The following KHDRBS2 variants were observed in gnomAD, a reference collection of about 807,000 sequenced individuals.
KHDRBS2 encodes KH domain-containing, RNA-binding, signal transduction-associated protein 2.
A neutral mutation model predicts 44.3 loss-of-function variants in KHDRBS2; 26 were observed. That is an observed-to-expected ratio of 0.59 (90% CI 0.43 to 0.81). The LOEUF is 0.81. Ranked by LOEUF, KHDRBS2 falls within the 40% of genes least tolerant of loss-of-function variation. KHDRBS2 has a pLI of 0.00. For synonymous variants in KHDRBS2, 194 were observed against 151.1 expected, an observed-to-expected ratio of 1.28 and a Z score of -2.08; for missense variants, 476 against 433.1, an observed-to-expected ratio of 1.10 and a Z score of -0.88.
At chr6:62,279,511 C>T (rs1479759347) in intron 1 of KHDRBS2, among the ~76,000 whole-genome samples, 2 of 152,078 alleles carry the variant, frequency 1.3e-5, no homozygotes, top group Non-Finnish European at 1.5e-5. Context: ...AATTCAAAGA[C>T]AGAAGTCATA....
chr6:62,120,546 G>C (rs1347808413), intron 2 of KHDRBS2, among the ~76,000 whole-genome samples: 1 of 152,174 alleles, frequency 6.6e-6, no homozygotes. Flanking sequence ...GGTGGGCATA[G>C]CTACCGTAAT....
intron 6 of KHDRBS2, among the ~76,000 whole-genome samples, chr6:61,888,547 T>C (rs1801311903): frequency 6.7e-6 from 1 of 148,216 alleles, no homozygotes; most frequent in African/African-American, 2.5e-5. Context: ...AGATTCCTTA[T>C]AGTTTTCTAA....
chr6:61,602,655 A>G, the KHDRBS2 span, among the ~76,000 whole-genome samples: 2 of 152,102 alleles, frequency 1.3e-5, no homozygotes, highest in Admixed American at 6.5e-5. Context: ...GTGGAGGGTA[A>G]GTCCGTACCC....
intron 6 of KHDRBS2, among the ~76,000 whole-genome samples, chr6:61,782,597 T>C (rs1341453921): frequency 6.6e-6 from 1 of 151,072 alleles, no homozygotes; most frequent in Non-Finnish European, 1.5e-5. Context: ...AGATTGTGTA[T>C]TATTCAGCTA....
the KHDRBS2 span, among the ~76,000 whole-genome samples, chr6:61,584,441 T>C: frequency 6.6e-6 from 1 of 151,904 alleles, no homozygotes; most frequent in African/African-American, 2.4e-5. Context: ...CACCTATTTG[T>C]ATTATTATAT....
intron 1 of KHDRBS2, among the ~76,000 whole-genome samples, chr6:62,191,785 T>C (rs1003485382): frequency 8.5e-5 from 13 of 152,142 alleles, no homozygotes; most frequent in Non-Finnish European, 1.8e-4. Flanking sequence ...AACATGGTAC[T>C]AAACTTTAAA....
the KHDRBS2 span, among the ~76,000 whole-genome samples, chr6:61,607,931 G>A: frequency 3.3e-5 from 5 of 152,040 alleles, no homozygotes; most frequent in African/African-American, 9.7e-5. Flanking sequence ...CAAGTGATCC[G>A]CCTACCTTGG....
At chr6:62,060,149 A>G (rs761271890) in intron 2 of KHDRBS2, among the ~76,000 whole-genome samples, 1 of 151,812 alleles carries the variant, frequency 6.6e-6, no homozygotes, top group African/African-American at 2.4e-5. Context: ...GAGCGTAACA[A>G]ATTTGATAAA....
chr6:61,576,115 T>G, the KHDRBS2 span, among the ~76,000 whole-genome samples: 1 of 151,848 alleles, frequency 6.6e-6, no homozygotes, highest in Non-Finnish European at 1.5e-5. Flanking sequence ...CAAAAATAAA[T>G]AAATAAGTGA....
At chr6:61,890,522 T>G (rs1445865914) in intron 6 of KHDRBS2, among the ~76,000 whole-genome samples, 1 of 152,196 alleles carries the variant, frequency 6.6e-6, no homozygotes. Context: ...AATTCTTCTA[T>G]TAATAACAAT....
At chr6:62,228,116 A>T (rs1017722285) in intron 1 of KHDRBS2, among the ~76,000 whole-genome samples, 1 of 151,956 alleles carries the variant, frequency 6.6e-6, no homozygotes, top group African/African-American at 2.4e-5. Flanking sequence ...TCCTCTTTGT[A>T]CCCCTGGTAG....
At chr6:62,240,477 G>T (rs1392769702) in intron 1 of KHDRBS2, among the ~76,000 whole-genome samples, 1 of 151,494 alleles carries the variant, frequency 6.6e-6, no homozygotes, top group Non-Finnish European at 1.5e-5. Flanking sequence ...TTGCAGGCTA[G>T]TTGAGCTGAA....
rs140240018 is a variant in KHDRBS2 at position 61,710,832 on chromosome 6, A to G, written c.894-13579T>C. On this transcript the variant is annotated intron_variant, in intron 7 of 8. Transcript: ENST00000281156. ...TTTTTTAATCTTGATCTCATTCTTT[A>G]TCACAATGGTTTTTAACATCTAGTA... is the stretch of plus-strand genomic sequence containing the variant. Among the ~76,000 whole-genome samples the G allele has an allele frequency of 7.2e-3, 831 of 114,700 alleles. 8 individuals are homozygous for G. The highest frequency in any genetic ancestry group is 0.026 in the African/African-American group (786 of 30,462). 75.2% of individuals were successfully genotyped at this position (114,700 alleles called of 152,430 possible).
intron 3 of KHDRBS2, among the ~76,000 whole-genome samples, chr6:62,030,116 A>C (rs961481428): frequency 2.0e-5 from 3 of 152,030 alleles, no homozygotes; most frequent in Non-Finnish European, 4.4e-5. Context: ...TCACCAATAA[A>C]ATGTCAGAGA....
At chr6:62,088,041 A>T (rs950122889) in intron 2 of KHDRBS2, among the ~76,000 whole-genome samples, 3 of 152,152 alleles carry the variant, frequency 2.0e-5, no homozygotes, top group Admixed American at 6.5e-5. Context: ...TTTCAGCTCC[A>T]TCAGGTTATT....
chr6:61,669,705 C>T, the KHDRBS2 span, among the ~76,000 whole-genome samples: 1 of 150,926 alleles, frequency 6.6e-6, no homozygotes, highest in Non-Finnish European at 1.5e-5. Flanking sequence ...TTTTAATTAA[C>T]ATAGCTCATA....
intron 2 of KHDRBS2, among the ~76,000 whole-genome samples, chr6:62,109,777 C>G (rs114495091): frequency 0.013 from 1,949 of 145,666 alleles, 24 homozygotes; most frequent in Non-Finnish European, 0.023. Context: ...AGGAAGATAA[C>G]AAGGAAGAAA....
At chr6:62,223,131 G>A (rs1173576755) in intron 1 of KHDRBS2, among the ~76,000 whole-genome samples, 2 of 152,234 alleles carry the variant, frequency 1.3e-5, no homozygotes, top group Non-Finnish European at 2.9e-5. Context: ...CACCCATGCA[G>A]CAAACTTCTG....
chr6:62,253,473 CCCCCTGCAA>C (rs1187076091), intron 1 of KHDRBS2, among the ~76,000 whole-genome samples: 10 of 151,796 alleles, frequency 6.6e-5, no homozygotes, highest in Admixed American at 2.0e-4. Context: ...TGTCTCTATT[CCCCCTGCAA>C]CCCTGCCTCC....
Sources: allele counts gnomAD v4.1 joint callset (sites outside exome capture counted in the v4.1 genomes callset), GRCh38; gene constraint gnomAD v4.1.1; transcripts MANE v1.5; gene names NCBI Gene and HGNC (gene_info 2026-07-23, HGNC 2026-07-21).